The following ERICH1 variants were observed in gnomAD, a reference collection of about 807,000 sequenced individuals.
ERICH1 encodes the protein glutamate-rich protein 1.
Under a neutral mutation model 39.6 loss-of-function variants are expected in ERICH1, and 56 were observed. That is an observed-to-expected ratio of 1.41 (90% CI 1.14 to 1.77). The LOEUF is 1.77. ERICH1 is among the 40% of genes most tolerant of loss of function. The probability of loss-of-function intolerance (pLI) is 0.00; values close to 1 mark genes in which losing one functional copy is unlikely to be tolerated. For synonymous variants in ERICH1, 313 were observed against 223.6 expected (o/e 1.40, Z -3.57); for missense variants, 826 against 575.4 (o/e 1.44, Z -4.45).
downstream of ERICH1, among the ~76,000 whole-genome samples, chr8:660,388 C>A (rs755914830): frequency 1.2e-4 from 18 of 152,246 alleles, no homozygotes; most frequent in Non-Finnish European, 2.5e-4. Context: ...CTTCTGCCAC[C>A]CTGAGGTCGG....
At chr8:668,906 C>G in intron 4 of ERICH1, 114 bp from the exon 5 acceptor site, 2 of 925,952 alleles carry the variant, frequency 2.2e-6, no homozygotes, top group Non-Finnish European at 3.2e-6. Flanking sequence ...CACAGAATGA[C>G]ATATCTGGGA....
intron 3 of ERICH1, among the ~76,000 whole-genome samples, chr8:638,415 G>T (rs76213418): frequency 0.013 from 1,960 of 152,256 alleles, 37 homozygotes; most frequent in African/African-American, 0.044. Context: ...GTTACAGTGC[G>T]GTGGGCAGGT....
chr8:702,628 G>A (rs925292784), intron 2 of ERICH1, among the ~76,000 whole-genome samples: 9 of 152,224 alleles, frequency 5.9e-5, no homozygotes, highest in African/African-American at 1.9e-4. Flanking sequence ...AGTGCGCCAC[G>A]TGCTGCAGGA....
chr8:731,197 CG>C lies in ERICH1; in HGVS notation c.-37del. ...GCCGCGGACCTCAGACCACGGCGCGCGGTCCTGAGCTGAGCGCCGTGCCTTC... is the reference window on the plus strand; with the variant it reads ...GCCGCGGACCTCAGACCACGGCGCGCGTCCTGAGCTGAGCGCCGTGCCTTC... On this transcript the variant is annotated 5_prime_UTR_variant, in exon 1 of 6. Coordinates refer to ENST00000262109, the MANE Select transcript of ERICH1 (RefSeq NM_207332.3). 1 of 1,468,004 alleles carries C rather than the reference CG, an allele frequency of 6.8e-7. No individual in the cohort carries two copies. Among genetic ancestry groups the C allele is most frequent in the South Asian group, 1.3e-5 (1 of 75,334 alleles). 90.9% of individuals were successfully genotyped at this position (1,468,004 alleles called of 1,614,324 possible). A position where few individuals can be genotyped will look rare whatever the true frequency, so the allele number is the denominator to read the frequency against.
At chr8:660,523 G>A (rs548465242), downstream of ERICH1, among the ~76,000 whole-genome samples, 2 of 152,326 alleles carry the variant, frequency 1.3e-5, no homozygotes, top group South Asian at 2.1e-4. Context: ...TTCTGCTGGC[G>A]GCCCGTGAGT....
At chr8:665,996 T>C (rs891181052) in intron 5 of ERICH1, 3 of 147,134 alleles carry the variant, frequency 2.0e-5, no homozygotes, top group East Asian at 1.9e-4. Flanking sequence ...TGAAGCTTCA[T>C]TGTTTGTAAA....
chr8:728,470 A>G (rs1184887006), intron 1 of ERICH1, among the ~76,000 whole-genome samples: 1 of 152,188 alleles, frequency 6.6e-6, no homozygotes, highest in Admixed American at 6.5e-5. Context: ...AGGAGCACGC[A>G]GTCCCTGGGA....
At chr8:721,481 G>C (rs188664125) in intron 1 of ERICH1, among the ~76,000 whole-genome samples, 1 of 152,220 alleles carries the variant, frequency 6.6e-6, no homozygotes, top group Non-Finnish European at 1.5e-5. Flanking sequence ...GACAAGCGCC[G>C]AGCGTGCGGC....
chr8:702,679 G>A (rs575140457), intron 2 of ERICH1, among the ~76,000 whole-genome samples: 6 of 152,362 alleles, frequency 3.9e-5, no homozygotes, highest in South Asian at 4.1e-4. Flanking sequence ...CGTGACAGGC[G>A]AAGGTCGCAG....
chr8:659,981 C>T (rs1254376949), downstream of ERICH1, among the ~76,000 whole-genome samples: 1 of 152,358 alleles, frequency 6.6e-6, no homozygotes, highest in African/African-American at 2.4e-5. Flanking sequence ...TTACAAGGAT[C>T]CTGGCCTCAA....
At chr8:624,991 C>G (rs572408793) in intron 3 of ERICH1, among the ~76,000 whole-genome samples, 1 of 152,210 alleles carries the variant, frequency 6.6e-6, no homozygotes, top group African/African-American at 2.4e-5. Context: ...CACCCAAAGT[C>G]CTGGGATTAC....
intron 2 of ERICH1, among the ~76,000 whole-genome samples, chr8:702,105 G>C (rs1347360166): frequency 7.1e-6 from 1 of 141,270 alleles, no homozygotes; most frequent in Non-Finnish European, 1.5e-5. Context: ...AAAAAGGAAA[G>C]GCAATCCACT....
intron 3 of ERICH1, among the ~76,000 whole-genome samples, chr8:686,142 G>A (rs945286951): frequency 1.3e-5 from 2 of 152,138 alleles, no homozygotes; most frequent in Non-Finnish European, 2.9e-5. Flanking sequence ...ATGACAGAGC[G>A]AGACTCCATC....
chr8:712,157 G>C (rs1304772008), intron 2 of ERICH1, among the ~76,000 whole-genome samples: 3 of 152,064 alleles, frequency 2.0e-5, no homozygotes, highest in Non-Finnish European at 2.9e-5. Context: ...CTAAACTTTA[G>C]AATCAGTTTA....
At chr8:637,979 A>G (rs910973841) in intron 3 of ERICH1, among the ~76,000 whole-genome samples, 2 of 152,232 alleles carry the variant, frequency 1.3e-5, no homozygotes, top group East Asian at 1.9e-4. Context: ...ACAAGCCACT[A>G]AGTTCTGTGG....
chr8:669,718 C>A (rs892516819), intron 4 of ERICH1, among the ~76,000 whole-genome samples: 21 of 152,248 alleles, frequency 1.4e-4, no homozygotes, highest in Non-Finnish European at 7.3e-5. Context: ...GTCCACATCA[C>A]ATCGCTTAAA....
rs1022510953 is a variant in ERICH1 at position 632,235 on chromosome 8, T to G, written c.977-16951A>C. Among the ~76,000 whole-genome samples the G allele has an allele frequency of 2.0e-5, 3 of 152,196 alleles. No individual in the cohort carries two copies. In the East Asian group the frequency reaches 5.8e-4, roughly 29 times the overall value. Reference sequence around the variant, plus strand: ...GGTCTCATTTTTCTATTGTGTGTCGTGTTTATCTTGATAACATCTGCTTTT... The same window carrying G: ...GGTCTCATTTTTCTATTGTGTGTCGGGTTTATCTTGATAACATCTGCTTTT... On this transcript the variant is annotated intron_variant, in intron 3 of 3. Transcript: ENST00000522706.
chr8:724,924 C>T (rs897795686), intron 1 of ERICH1, among the ~76,000 whole-genome samples: 2 of 152,194 alleles, frequency 1.3e-5, no homozygotes, highest in African/African-American at 4.8e-5. Context: ...CCACGGCTGC[C>T]CCATTGTGGC....
At chr8:662,537 A>C (rs1801579331), downstream of ERICH1, among the ~76,000 whole-genome samples, 1 of 152,154 alleles carries the variant, frequency 6.6e-6, no homozygotes, top group Admixed American at 6.5e-5. Flanking sequence ...AATCCCAGCT[A>C]CTTGGGAGGC....
Sources: allele counts gnomAD v4.1 joint callset (sites outside exome capture counted in the v4.1 genomes callset), GRCh38; gene constraint gnomAD v4.1.1; transcripts MANE v1.5; gene names NCBI Gene and HGNC (gene_info 2026-07-23, HGNC 2026-07-21).